CLYBL: variants seen among roughly 807,000 people sequenced by gnomAD.
CLYBL encodes the protein citramalyl-CoA lyase.
CLYBL carries 31 observed loss-of-function variants against 38.9 expected under a neutral mutation model. The ratio of observed to expected loss-of-function variants is 0.80; its 90% CI spans 0.60 to 1.08. The LOEUF (loss-of-function observed/expected upper bound fraction) is 1.08, where lower values mean the gene tolerates loss of function less well. CLYBL is among the 50% of genes least tolerant of loss of function. The probability of loss-of-function intolerance (pLI) is 0.00; values close to 1 mark genes in which losing one functional copy is unlikely to be tolerated. For missense variants in CLYBL, 434 were observed against 411.6 expected (o/e 1.05, Z -0.47); for synonymous variants, 171 against 158.6 (o/e 1.08, Z -0.59).
At chr13:99,709,919 C>CT (rs2048202258) in intron 1 of CLYBL, among the ~76,000 whole-genome samples, 1 of 115,054 alleles carries the variant, frequency 8.7e-6, no homozygotes, top group Non-Finnish European at 1.8e-5. Flanking sequence ...TTTTTTCTTT[C>CT]TTTCTTTTTT....
At chr13:99,814,397 G>A (rs1023907667) in intron 2 of CLYBL, among the ~76,000 whole-genome samples, 20 of 152,144 alleles carry the variant, frequency 1.3e-4, no homozygotes, top group Non-Finnish European at 2.6e-4. Context: ...TTTCCCAAAA[G>A]CATTGTTTGC....
intron 1 of CLYBL, among the ~76,000 whole-genome samples, chr13:99,698,441 G>A (rs143961161): frequency 2.7e-4 from 41 of 152,024 alleles, no homozygotes; most frequent in East Asian, 7.8e-4. Flanking sequence ...TCAGAATTAC[G>A]TTCAAGCTAT....
intron 4 of CLYBL, among the ~76,000 whole-genome samples, chr13:99,863,953 A>G (rs1329725585): frequency 6.6e-6 from 1 of 152,196 alleles, no homozygotes; most frequent in African/African-American, 2.4e-5. Context: ...GAAGGGGTCG[A>G]GTGCAAATGT....
intron 1 of CLYBL, among the ~76,000 whole-genome samples, chr13:99,740,591 A>G (rs2048737217): frequency 6.6e-6 from 1 of 152,190 alleles, no homozygotes; most frequent in African/African-American, 2.4e-5. Flanking sequence ...AGGAGAAGGT[A>G]TCATTAGCGA....
chr13:99,664,654 C>T (rs921508800), intron 1 of CLYBL, among the ~76,000 whole-genome samples: 5 of 152,162 alleles, frequency 3.3e-5, no homozygotes, highest in East Asian at 1.9e-4. Flanking sequence ...ACATTCATAA[C>T]GTGCGACGTA....
At chr13:99,657,835 G>C (rs1162156486) in intron 1 of CLYBL, among the ~76,000 whole-genome samples, 2 of 152,210 alleles carry the variant, frequency 1.3e-5, no homozygotes, top group Non-Finnish European at 2.9e-5. Flanking sequence ...AAGCAGCTCT[G>C]CTGTGGCTCA....
chr13:99,642,247 C>T (rs930797682), intron 1 of CLYBL, among the ~76,000 whole-genome samples: 1 of 152,194 alleles, frequency 6.6e-6, no homozygotes, highest in Non-Finnish European at 1.5e-5. Context: ...TGTGCTCTGG[C>T]TGAGGCGTGC....
rs1374858439 is a variant in CLYBL at position 99,885,989 on chromosome 13, G to A, written c.928-5329G>A. Among the ~76,000 whole-genome samples, 3 of 152,188 alleles carry A rather than the reference G, an allele frequency of 2.0e-5. No individual in the cohort carries two copies. In the East Asian group the frequency reaches 5.8e-4, roughly 29 times the overall value. On this transcript the variant is annotated intron_variant, in intron 7 of 8. Coordinates refer to ENST00000339105, the MANE Select transcript of CLYBL (RefSeq NM_206808.5). ...CGGCCAACACTGGCTGGAAGTTTAG[G>A]AATTCCCTGGGAACTGCTGTGAGGC...
At chr13:99,696,664 G>T (rs973131276) in intron 1 of CLYBL, among the ~76,000 whole-genome samples, 2 of 152,054 alleles carry the variant, frequency 1.3e-5, no homozygotes, top group African/African-American at 4.8e-5. Flanking sequence ...AAAGTATGAG[G>T]CTGGGCATGG....
At chr13:99,646,555 C>T (rs61974379) in intron 1 of CLYBL, among the ~76,000 whole-genome samples, 3,751 of 141,274 alleles carry the variant, frequency 0.027, 77 homozygotes, top group Middle Eastern at 0.11. Flanking sequence ...ACTCTGGCAC[C>T]CCGGCTGGAG....
intron 1 of CLYBL, among the ~76,000 whole-genome samples, chr13:99,701,732 G>A (rs1356734531): frequency 6.6e-6 from 1 of 151,750 alleles, no homozygotes; most frequent in Non-Finnish European, 1.5e-5. Context: ...TGGAGAGCAG[G>A]GGTGTGATCT....
At chr13:99,898,238 T>C (rs1474055822), downstream of CLYBL, among the ~76,000 whole-genome samples, 1 of 152,194 alleles carries the variant, frequency 6.6e-6, no homozygotes, top group African/African-American at 2.4e-5. Flanking sequence ...TCAAATTTCC[T>C]TCATAATCAG....
chr13:99,886,932 G>A (rs2052364578), intron 7 of CLYBL, among the ~76,000 whole-genome samples: 1 of 152,184 alleles, frequency 6.6e-6, no homozygotes, highest in African/African-American at 2.4e-5. Flanking sequence ...TGGCACAAGG[G>A]AGCTGCTCGG....
At chr13:99,752,931 A>G (rs2048984041) in intron 1 of CLYBL, among the ~76,000 whole-genome samples, 2 of 152,082 alleles carry the variant, frequency 1.3e-5, no homozygotes, top group African/African-American at 4.8e-5. Flanking sequence ...CAAGTAAACA[A>G]AGCCAATAAT....
At chr13:99,748,643 G>GT (rs2048900846) in intron 1 of CLYBL, among the ~76,000 whole-genome samples, 1 of 150,786 alleles carries the variant, frequency 6.6e-6, no homozygotes, top group Non-Finnish European at 1.5e-5. Flanking sequence ...GTTTCACCAT[G>GT]TTGGCCAAGC....
intron 2 of CLYBL, among the ~76,000 whole-genome samples, chr13:99,825,149 G>C (rs1484032354): frequency 1.3e-5 from 2 of 152,176 alleles, no homozygotes; most frequent in Admixed American, 6.5e-5. Flanking sequence ...CATAAGGTAA[G>C]GCTGGAGAGG....
At chr13:99,641,860 A>G (rs915228623) in intron 1 of CLYBL, among the ~76,000 whole-genome samples, 7 of 152,172 alleles carry the variant, frequency 4.6e-5, no homozygotes, top group Non-Finnish European at 8.8e-5. Context: ...ACAGAAATGG[A>G]AAGTTAAGAA....
chr13:99,692,277 G>GTTTTTTTTTT (rs113949110), intron 1 of CLYBL, among the ~76,000 whole-genome samples: 6 of 121,864 alleles, frequency 4.9e-5, no homozygotes, highest in South Asian at 3.7e-4. Context: ...GTTCACATTT[G>GTTTTTTTTTT]TTTTTTTTGT....
At chr13:99,785,116 C>T (rs1288941947) in intron 2 of CLYBL, among the ~76,000 whole-genome samples, 2 of 145,556 alleles carry the variant, frequency 1.4e-5, no homozygotes, top group African/African-American at 5.1e-5. Flanking sequence ...TCATCTCAAA[C>T]TCCTGACCTC....
Sources: gnomAD v4.1 joint callset for allele counts (sites outside exome capture counted in the v4.1 genomes callset) on GRCh38, gnomAD v4.1.1 for gene constraint, MANE v1.5 for transcripts, NCBI Gene and HGNC (gene_info 2026-07-23, HGNC 2026-07-21) for gene names.